The following MYO9B variants were observed in gnomAD, a reference collection of about 807,000 sequenced individuals.
The protein encoded by MYO9B is unconventional myosin-IXb.
Under a neutral mutation model 229.5 loss-of-function variants are expected in MYO9B, and 71 were observed. That is an observed-to-expected ratio of 0.31 (90% CI 0.26 to 0.38). The LOEUF is 0.38. Ranked by LOEUF, MYO9B falls within the 10% of genes least tolerant of loss-of-function variation. The pLI is 1.00. For synonymous variants in MYO9B, 1,185 were observed against 1,235.8 expected, an observed-to-expected ratio of 0.96 and a Z score of 0.86; for missense variants, 2,255 against 2,920.5, an observed-to-expected ratio of 0.77 and a Z score of 5.25.
At chr19:17,143,924 A>G (rs979125042) in intron 2 of MYO9B, among the ~76,000 whole-genome samples, 1 of 152,116 alleles carries the variant, frequency 6.6e-6, no homozygotes, top group Admixed American at 6.6e-5. Context: ...CTGTCTCAAA[A>G]TAAAAAAGAA....
Position 17,194,970 on chromosome 19 carries a change from G to C in MYO9B, c.3543G>C (p.Arg1181Ser). The change falls in exon 22 of 40, where the codon AGG (arginine) becomes AGC (serine). Residue 1181 changes from arginine (R) to serine (S), a missense_variant. Arg to Ser is a moderately radical substitution (Grantham distance 110, BLOSUM62 -1). Around this residue, in one of 7 missense-constraint regions of MYO9B, gnomAD observed 679 missense variants for 770.2 expected, o/e 0.88. Coordinates refer to ENST00000682292, the MANE Select transcript of MYO9B (RefSeq NM_004145.4). ...EESALREPSR[R>S]VTQEQGVSLL... ...GTGCCCTCAGAGAACCTTCCAGAAG[G>C]GTCACCCAGGAGCAAGGGGTGAGTC... 1.9e-6 allele frequency: 3 copies of C among 1,613,338 alleles called. No homozygotes were observed. Among genetic ancestry groups the C allele is most frequent in the Non-Finnish European group, 2.5e-6 (3 of 1,179,882 alleles).
rs546728668 is a variant in MYO9B, at chr19:17,200,111, G to A, written c.4239-182G>A. On this transcript the variant is annotated intron_variant, in intron 24 of 39. Coordinates refer to ENST00000682292, the MANE Select transcript of MYO9B (RefSeq NM_004145.4). ...TGGTCTCAAACTCCTGACCTCAGAT[G>A]ATCCACCCGCCTGGATCTCCCAAAG... Among the ~76,000 whole-genome samples, 70 of 152,276 alleles carry A rather than the reference G, an allele frequency of 4.6e-4. 1 individual carries two copies. The highest frequency in any genetic ancestry group is 2.9e-3 in the South Asian group (14 of 4,824).
rs35218876 is a variant in MYO9B, at chr19:17,101,884, G to A, written c.167G>A (p.Arg56Gln). The A allele has an allele frequency of 2.0e-3, 3,252 of 1,613,414 alleles. 56 individuals carry two copies. In the African/African-American group the frequency reaches 0.038, roughly 19 times the overall value. Residue 56 changes from arginine to glutamine, a missense_variant, in exon 2 of 40, where the codon CGG becomes CAG. By Grantham distance (43) the Arg-to-Gln change is conservative. Transcript: ENST00000682292. This position sits in a 1 kb window ranked among gnomAD's most constrained non-coding sequence, Gnocchi z 4.7. Reference protein sequence around the residue: ...DVIKDAIASLRLDGTKCYVLV... With the variant: ...DVIKDAIASLQLDGTKCYVLV... Reference sequence around the variant, plus strand: ...ATCAAGGACGCCATTGCCAGCCTGCGGCTGGACGGCACCAAATGTTATGTG... The same window carrying A: ...ATCAAGGACGCCATTGCCAGCCTGCAGCTGGACGGCACCAAATGTTATGTG...
At chr19:17,099,815 T>TAA (rs34945453) in intron 1 of MYO9B, among the ~76,000 whole-genome samples, 2 of 116,298 alleles carry the variant, frequency 1.7e-5, no homozygotes. Context: ...GAGACTGTCT[T>TAA]AAAAAAAAAA....
chr19:17,190,697 C>A (rs1013853959), intron 19 of MYO9B, among the ~76,000 whole-genome samples: 8 of 151,212 alleles, frequency 5.3e-5, no homozygotes, highest in Admixed American at 2.6e-4. Flanking sequence ...CTCTCTCTGT[C>A]GCCCAGGCTG....
At chr19:17,116,087 C>T (rs2057900508) in intron 2 of MYO9B, among the ~76,000 whole-genome samples, 1 of 152,158 alleles carries the variant, frequency 6.6e-6, no homozygotes, top group Non-Finnish European at 1.5e-5. Flanking sequence ...CTGGCAGGAG[C>T]TGTGCGGGGT....
intron 2 of MYO9B, among the ~76,000 whole-genome samples, chr19:17,126,354 T>A (rs369373241): frequency 6.6e-6 from 1 of 152,104 alleles, no homozygotes; most frequent in Admixed American, 6.6e-5. Flanking sequence ...AGGGTGACAC[T>A]CACCTCCTGC....
intron 25 of MYO9B, 31 bp from the exon 26 acceptor site, chr19:17,200,608 C>A: frequency 6.3e-7 from 1 of 1,586,350 alleles, no homozygotes; most frequent in Non-Finnish European, 8.6e-7. Context: ...CCTGAACCCA[C>A]CCTCACCGGC....
intron 4 of MYO9B, 73 bp downstream of exon 4, chr19:17,152,779 C>A: frequency 7.3e-7 from 1 of 1,360,962 alleles, no homozygotes; most frequent in Non-Finnish European, 1.0e-6. Flanking sequence ...AGGAGAGAAG[C>A]AAAGCAAACG....
intron 2 of MYO9B, among the ~76,000 whole-genome samples, chr19:17,102,860 T>A (rs928494024): frequency 1.3e-5 from 2 of 149,004 alleles, no homozygotes; most frequent in Non-Finnish European, 3.0e-5. Flanking sequence ...TGAGCTATGA[T>A]CATGCCACTG....
At chr19:17,154,292 G>T in intron 5 of MYO9B, 23 bp from the exon 6 acceptor site, 1 of 1,604,098 alleles carries the variant, frequency 6.2e-7, no homozygotes, top group Non-Finnish European at 8.5e-7. Flanking sequence ...AATGCCCAGA[G>T]TACCCATGCC....
chr19:17,165,815 A>G (rs1466405698), intron 10 of MYO9B, among the ~76,000 whole-genome samples: 1 of 152,156 alleles, frequency 6.6e-6, no homozygotes, highest in African/African-American at 2.4e-5. Context: ...CTGTTGGACA[A>G]CATAGCTCTG....
Position 17,101,036 on chromosome 19 carries a change from A to G in MYO9B, c.-58-624A>G, listed in dbSNP as rs989190845. On this transcript the variant is annotated intron_variant, in intron 1 of 39. Transcript: ENST00000682292. The surrounding 1 kb of genome is among the most constrained non-coding windows in gnomAD (Gnocchi z 4.7). Reference sequence around the variant, plus strand: ...AGGAAGGATGTGGGCTGGGAAGGGCATAGCAGAAAGAGGGTCATGGCTTGT... The same window carrying G: ...AGGAAGGATGTGGGCTGGGAAGGGCGTAGCAGAAAGAGGGTCATGGCTTGT... Among the ~76,000 whole-genome samples, 1 of 150,148 alleles carries G rather than the reference A, an allele frequency of 6.7e-6. No homozygotes were observed. Among genetic ancestry groups the G allele is most frequent in the African/African-American group, 2.4e-5 (1 of 40,854 alleles).
At position 17,194,788 on chromosome 19, in the gene MYO9B, C is replaced by T. The variant is rs752969802; in HGVS notation, c.3361C>T (p.Pro1121Ser). ...GCACTCCTCACCTGAGAAGGAGGCC[C>T]CAAGCCCAGAGAAGACTCTCCCACC... Reference protein sequence around the residue: ...LEHSSPEKEAPSPEKTLPPQK... With the variant: ...LEHSSPEKEASSPEKTLPPQK... The change falls in exon 22 of 40, where the codon CCA (proline) becomes TCA (serine). Residue 1121 changes from proline (P) to serine (S), a missense_variant. By Grantham distance (74) the Pro-to-Ser change is moderately conservative. Transcript: ENST00000682292. The T allele has an allele frequency of 6.2e-7, 1 of 1,613,204 alleles. No homozygotes were observed.
In MYO9B at chr19:17,156,833, G is replaced by T. The variant is rs1282795599; in HGVS notation, c.1200-76G>T. On this transcript the variant is annotated intron_variant, in intron 6 of 39. Transcript: ENST00000682292. The stretch of plus-strand genomic sequence containing the variant: ...AGAATTTGCTGGTTTTATGGATTCA[G>T]CCCGGTTCCCTGGGAAGTATCTGCT... The T allele has an allele frequency of 2.5e-5, 37 of 1,507,846 alleles. No homozygotes were observed. The South Asian group carries it at 4.5e-4, about 18-fold the overall frequency. 93.4% of individuals were successfully genotyped at this position (1,507,846 alleles called of 1,614,324 possible). A position where few individuals can be genotyped will look rare whatever the true frequency, so the allele number is the denominator to read the frequency against.
chr19:17,186,066 C>T, intron 18 of MYO9B, 65 bp downstream of exon 18: 1 of 1,441,770 alleles, frequency 6.9e-7, no homozygotes, highest in East Asian at 2.3e-5. Context: ...TGTCGGTGTC[C>T]CTGCATCCAG....
chr19:17,204,825 C>T (rs1261761693), intron 30 of MYO9B, among the ~76,000 whole-genome samples: 3 of 151,988 alleles, frequency 2.0e-5, no homozygotes, highest in Non-Finnish European at 4.4e-5. Context: ...CAGAGTGAGA[C>T]CCTGTCTCAA....
At chr19:17,146,214 G>C (rs972013418) in intron 3 of MYO9B, among the ~76,000 whole-genome samples, 1 of 148,024 alleles carries the variant, frequency 6.8e-6, no homozygotes, top group Non-Finnish European at 1.5e-5. Flanking sequence ...TGGATGGATC[G>C]ATGGATTGAT....
At position 17,203,176 on chromosome 19, in the gene MYO9B, C is replaced by T. The variant is rs762576532; in HGVS notation, c.4908C>T (p.Ala1636=). ...AVQEHNGHVF[A]SYQVSIPQSC... is the part of the protein sequence containing the mutation. Reference sequence around the variant, plus strand: ...AGGAGCACAACGGGCACGTGTTCGCCAGCTACCAGGTTAGCATCCCGCAGT... The same window carrying T: ...AGGAGCACAACGGGCACGTGTTCGCTAGCTACCAGGTTAGCATCCCGCAGT... Residue 1636 remains alanine, a synonymous_variant, in exon 30 of 40, where the codon GCC becomes GCT. Coordinates refer to ENST00000682292, the MANE Select transcript of MYO9B (RefSeq NM_004145.4). 2.5e-6 allele frequency: 4 copies of T among 1,577,398 alleles called. No homozygotes were observed. Among genetic ancestry groups the T allele is most frequent in the Non-Finnish European group, 3.4e-6 (4 of 1,161,594 alleles).
Sources: gnomAD v4.1 joint callset for allele counts (sites outside exome capture counted in the v4.1 genomes callset) on GRCh38, gnomAD v4.1.1 for gene constraint, gnomAD v4.1.1 regional missense constraint, Gnocchi (gnomAD v3.1) non-coding constraint, MANE v1.5 for transcripts, NCBI Gene and HGNC (gene_info 2026-07-23, HGNC 2026-07-21) for gene names.